The following MACF1 variants were observed in gnomAD, a reference collection of about 807,000 sequenced individuals.
The protein encoded by MACF1 is microtubule-actin cross-linking factor 1.
Under a neutral mutation model 854.8 loss-of-function variants are expected in MACF1, and 193 were observed. The ratio of observed to expected loss-of-function variants is 0.23; its 90% CI spans 0.20 to 0.25. The LOEUF (loss-of-function observed/expected upper bound fraction) is 0.25. Ranked by LOEUF, MACF1 falls within the 10% of genes least tolerant of loss-of-function variation. The pLI, the probability that MACF1 is intolerant of heterozygous loss-of-function variation, is 1.00. For missense variants in MACF1, 7,722 were observed against 8,929.1 expected (o/e 0.86, Z 5.45); for synonymous variants, 3,185 against 3,226.7 (o/e 0.99, Z 0.44).
chr1:39,475,725 ACT>A (rs1644867546), intron 97 of MACF1, among the ~76,000 whole-genome samples: 2 of 151,950 alleles, frequency 1.3e-5, no homozygotes, highest in African/African-American at 4.8e-5. Context: ...TTGGTTCCTG[ACT>A]CTGGTCATGC....
chr1:39,443,146 T>G (rs1644153283), intron 78 of MACF1, among the ~76,000 whole-genome samples: 1 of 152,248 alleles, frequency 6.6e-6, no homozygotes, highest in Non-Finnish European at 1.5e-5. Flanking sequence ...ATCTTCACTA[T>G]AACAGATTCC....
At chr1:39,359,345 T>G in intron 47 of MACF1, 81 bp downstream of exon 47, 1 of 1,486,216 alleles carries the variant, frequency 6.7e-7, no homozygotes, top group Non-Finnish European at 9.2e-7. Context: ...CATTGTGTTG[T>G]GCAAATATCT....
chr1:39,270,436 G>A (rs1388950017), intron 6 of MACF1, among the ~76,000 whole-genome samples: 3 of 152,138 alleles, frequency 2.0e-5, no homozygotes, highest in African/African-American at 7.2e-5. Flanking sequence ...TTTGTTTTGA[G>A]GAATATATTG....
intron 44 of MACF1, among the ~76,000 whole-genome samples, chr1:39,355,460 C>CTTTTTTTTTTT (rs56202498): frequency 2.5e-5 from 2 of 81,050 alleles, no homozygotes; most frequent in African/African-American, 4.9e-5. Flanking sequence ...TTTTCTTCTG[C>CTTTTTTTTTTT]TTTTTTTTTT....
intron 58 of MACF1, among the ~76,000 whole-genome samples, chr1:39,401,522 A>C (rs187372597): frequency 3.3e-5 from 5 of 152,220 alleles, no homozygotes; most frequent in Non-Finnish European, 5.9e-5. Flanking sequence ...GATATAATTC[A>C]TCTGTCTGCC....
At chr1:39,209,330 G>C (rs1644489983) in intron 1 of MACF1, among the ~76,000 whole-genome samples, 1 of 152,174 alleles carries the variant, frequency 6.6e-6, no homozygotes, top group East Asian at 1.9e-4. Context: ...AAGAGGGTTT[G>C]GTTGAGTTTA....
Position 39,291,910 on chromosome 1 carries a change from A to C in MACF1, c.1786A>C (p.Met596Leu). 1 of 1,610,538 alleles carries C rather than the reference A, an allele frequency of 6.2e-7. No individual in the cohort carries two copies. Among genetic ancestry groups the C allele is most frequent in the South Asian group, 1.1e-5 (1 of 90,670 alleles). ...ELLSWVEEMQ[M>L]KLERAEWGND... is the part of the protein sequence containing the mutation. ...CATATATATATTTTTTCTTTTTCAG[A>C]TGAAACTGGAGCGAGCAGAGTGGGG... Residue 596 changes from methionine (M) to leucine (L), a missense_variant and splice_region_variant, in exon 16 of 101, where the codon ATG (methionine) becomes CTG (leucine). Coordinates refer to ENST00000564288, the MANE Select transcript of MACF1 (RefSeq NM_001394062.1).
At chr1:39,358,200 C>T (rs1261708806) in intron 45 of MACF1, among the ~76,000 whole-genome samples, 1 of 152,206 alleles carries the variant, frequency 6.6e-6, no homozygotes, top group East Asian at 1.9e-4. Flanking sequence ...TCCCAAGAGA[C>T]ATAGCACACA....
At chr1:39,382,373 T>C (rs1011908420) in intron 56 of MACF1, among the ~76,000 whole-genome samples, 1 of 151,980 alleles carries the variant, frequency 6.6e-6, no homozygotes, top group Non-Finnish European at 1.5e-5. Context: ...TGAGTAGATA[T>C]GAGAATGGGG....
chr1:39,291,712 G>T (rs1281019008), intron 15 of MACF1, among the ~76,000 whole-genome samples, 198 bp from the exon 16 acceptor site: 3 of 152,116 alleles, frequency 2.0e-5, no homozygotes, highest in Non-Finnish European at 4.4e-5. Context: ...TTGTATAATT[G>T]GTGGGCTCTG....
At chr1:39,484,870 C>A in intron 100 of MACF1, 140 bp downstream of exon 100, 2 of 902,562 alleles carry the variant, frequency 2.2e-6, no homozygotes, top group Non-Finnish European at 1.8e-6. Context: ...CCTGCAGATG[C>A]TCAAGTGACC....
Position 39,134,629 on chromosome 1 carries a change from A to G in MACF1, c.220+50191A>G, listed in dbSNP as rs144523466. Among the ~76,000 whole-genome samples, 1,036 of 152,322 alleles carry G rather than the reference A, an allele frequency of 6.8e-3. 10 individuals carry two copies. Among genetic ancestry groups the G allele is most frequent in the African/African-American group, 0.023 (954 of 41,570 alleles). The stretch of plus-strand genomic sequence containing the variant: ...CTTTTCCTAATTCCCCATTTGTAAA[A>G]TATTGGTGGTGATAACCATCTTGCA... On this transcript the variant is annotated intron_variant, in intron 2 of 93. Transcript: ENST00000361689.
intron 32 of MACF1, 45 bp from the exon 33 acceptor site, chr1:39,322,865 A>G (rs769450931): frequency 6.3e-7 from 1 of 1,578,192 alleles, no homozygotes; most frequent in East Asian, 2.2e-5. Flanking sequence ...TTTAAATTTC[A>G]TTTTCTGGCA....
Position 39,387,707 on chromosome 1 carries a change from C to G in MACF1, c.14865C>G (p.Arg4955=). The G allele has an allele frequency of 6.2e-7, 1 of 1,614,140 alleles. No individual in the cohort carries two copies. Among genetic ancestry groups the G allele is most frequent in the Non-Finnish European group, 8.5e-7 (1 of 1,180,024 alleles). Residue 4955 remains arginine (R), a synonymous_variant, in exon 58 of 101, where the codon CGC becomes CGG. Transcript: ENST00000564288. ...CTATGCTGAATGAGGTGGAGAAGCG[C>G]CGCTCCCTGCTGGAAATATTGAATA... ...SKAMLNEVEK[R]RSLLEILNSA...
intron 2 of MACF1, among the ~76,000 whole-genome samples, chr1:39,165,178 C>T (rs1033462043): frequency 6.6e-5 from 10 of 152,258 alleles, no homozygotes; most frequent in African/African-American, 2.2e-4. Context: ...GACAGGCTTG[C>T]GTCCTGCATC....
rs111461814 is a variant in MACF1, at chr1:39,399,804, A to G, written c.15816+11146A>G. Among the ~76,000 whole-genome samples, 791 of 152,346 alleles carry G rather than the reference A, an allele frequency of 5.2e-3. 6 individuals are homozygous for G. The highest frequency in any genetic ancestry group is 0.018 in the African/African-American group (731 of 41,578). ...TTTTCTGATTATATCCATTTGTCCTATCCCCTCAGTTAATTCACTTTTGTG... is the reference window on the plus strand; with the variant it reads ...TTTTCTGATTATATCCATTTGTCCTGTCCCCTCAGTTAATTCACTTTTGTG... On this transcript the variant is annotated intron_variant, in intron 58 of 100. Transcript: ENST00000564288.
At chr1:39,196,940 T>A (rs940808434) in intron 2 of MACF1, among the ~76,000 whole-genome samples, 1 of 152,204 alleles carries the variant, frequency 6.6e-6, no homozygotes, top group African/African-American at 2.4e-5. Flanking sequence ...CTTAATGAAG[T>A]TCTGAGTCTG....
chr1:39,220,913 C>T (rs1402610430), intron 1 of MACF1, among the ~76,000 whole-genome samples: 2 of 152,134 alleles, frequency 1.3e-5, no homozygotes, highest in African/African-American at 4.8e-5. Context: ...ATTGAAGAAA[C>T]TTTAAAGTGC....
Position 39,353,053 on chromosome 1 carries a change from C to A in MACF1, c.11246C>A (p.Ala3749Asp). ...GCAGAGAACAAGAAGAAGATCGATGCTCTCCTGGATTGGGTAACTTCAGTA... is the reference window on the plus strand; with the variant it reads ...GCAGAGAACAAGAAGAAGATCGATGATCTCCTGGATTGGGTAACTTCAGTA... ...ELAENKKKIDALLDWVTSVGS... is the reference protein window; with the variant it reads ...ELAENKKKIDDLLDWVTSVGS... Residue 3749 changes from alanine to aspartate, a missense_variant, in exon 44 of 101, where the codon GCT becomes GAT. By Grantham distance (126) the Ala-to-Asp change is moderately radical. Transcript: ENST00000564288. The A allele has an allele frequency of 6.2e-7, 1 of 1,614,070 alleles. No individual in the cohort carries two copies.
Sources: allele counts gnomAD v4.1 joint callset (sites outside exome capture counted in the v4.1 genomes callset), GRCh38; gene constraint gnomAD v4.1.1; transcripts MANE v1.5; gene names NCBI Gene and HGNC (gene_info 2026-07-23, HGNC 2026-07-21).